Variants in MROH1 observed in about 807,000 individuals in gnomAD.
MROH1 encodes the protein maestro heat like repeat family member 1.
A neutral mutation model predicts 116.5 loss-of-function variants in MROH1; 117 were observed. The observed-to-expected ratio is 1.00, with a 90% CI of 0.86 to 1.17. The LOEUF (loss-of-function observed/expected upper bound fraction) is 1.17, where lower values mean the gene tolerates loss of function less well. Among genes scored for constraint, MROH1 ranks in the 50% most tolerant of loss-of-function variants. The pLI is 0.00. For synonymous variants in MROH1, 921 were observed against 583.9 expected (o/e 1.58, Z -8.32); for missense variants, 1,873 against 1,338.5 (o/e 1.40, Z -6.23).
chr8:144,260,047 G>T lies in MROH1; in HGVS notation c.4181G>T (p.Cys1394Phe), dbSNP rs1844709830. 1 of 725,406 alleles carries T rather than the reference G, an allele frequency of 1.4e-6. No individual in the cohort carries two copies. Among genetic ancestry groups the T allele is most frequent in the Non-Finnish European group, 2.5e-6 (1 of 398,304 alleles). The allele number at this position is 725,406 out of a possible 1,614,324, so 44.9% of individuals were successfully genotyped here. A position where few individuals can be genotyped will look rare whatever the true frequency, so the allele number is the denominator to read the frequency against. The change falls in exon 38 of 44, where the codon TGC (cysteine) becomes TTC (phenylalanine). Residue 1394 changes from cysteine (C) to phenylalanine (F), a missense_variant. Transcript: ENST00000326134. The part of the protein sequence containing the change: ...LRGLANLASG[C>F]PDKVRTHGPQ... ...GGCCTGGCCAACCTGGCCTCCGGCT[G>T]CCCTGACAAGGTGGGGTGGCCACCA...
rs11408719 is a variant in MROH1, at chr8:144,162,827, A to AT, written c.-56-942dup. On this transcript the variant is annotated intron_variant, in intron 2 of 43. Transcript: ENST00000326134. ...AACCTCCGCTTCCCAGGTTCAAGTG[A>AT]TTCTCATGCCTCAGCTCCCTGAGTA... 5.5e-4 allele frequency among the ~76,000 whole-genome samples: 5 copies of AT among 9,170 alleles called. No homozygotes were observed. The Admixed American group carries it at 0.02, about 38-fold the overall frequency. 6.0% of individuals were successfully genotyped at this position (9,170 alleles called of 152,430 possible). A position where few individuals can be genotyped will look rare whatever the true frequency, so the allele number is the denominator to read the frequency against.
chr8:144,218,423 C>G (rs933552477), intron 12 of MROH1, among the ~76,000 whole-genome samples: 1 of 152,024 alleles, frequency 6.6e-6, no homozygotes, highest in Non-Finnish European at 1.5e-5. Context: ...CATCCTGTGT[C>G]TCTCTGGCCA....
intron 14 of MROH1, among the ~76,000 whole-genome samples, chr8:144,234,013 T>A (rs910978801): frequency 3.3e-5 from 5 of 152,170 alleles, no homozygotes; most frequent in African/African-American, 4.8e-5. Context: ...TCTTTTTATT[T>A]ATGCATTTAT....
rs1275956825 is a variant in MROH1, at chr8:144,192,351, C to T, written c.898C>T (p.Arg300Cys). Reference sequence around the variant, plus strand: ...CGAGGCAGCTGTGAGTGTGGGCAGCCGCACACTGGAGACCCAGCTGGATGC... The same window carrying T: ...CGAGGCAGCTGTGAGTGTGGGCAGCTGCACACTGGAGACCCAGCTGGATGC... ...ILEAAVSVGSRTLETQLDALL... is the reference protein window; with the variant it reads ...ILEAAVSVGSCTLETQLDALL... Residue 300 changes from arginine to cysteine, a missense_variant, in exon 10 of 44, where the codon CGC becomes TGC. Physicochemically the swap from Arg to Cys is radical, Grantham distance 180. Transcript: ENST00000326134. 13 of 1,600,382 alleles carry T rather than the reference C, an allele frequency of 8.1e-6. No homozygotes were observed. Among genetic ancestry groups the T allele is most frequent in the Middle Eastern group, 2.1e-4 (1 of 4,668 alleles).
At chr8:144,195,376 C>G (rs1829626730) in intron 10 of MROH1, among the ~76,000 whole-genome samples, 1 of 148,934 alleles carries the variant, frequency 6.7e-6, no homozygotes. Context: ...ATAGTGGGTG[C>G]CTGTAGTCCC....
Position 144,259,973 on chromosome 8 carries a change from G to A in MROH1, c.4107G>A (p.Ala1369=), listed in dbSNP as rs1844691382. The A allele has an allele frequency of 2.6e-5, 19 of 740,534 alleles. No homozygotes were observed. The highest frequency in any genetic ancestry group is 2.6e-4 in the Middle Eastern group (1 of 3,886). The allele number at this position is 740,534 out of a possible 1,614,324, so 45.9% of individuals were successfully genotyped here. Residue 1369 remains alanine (A), a synonymous_variant, in exon 38 of 44, where the codon GCG becomes GCA. Coordinates refer to ENST00000326134, the MANE Select transcript of MROH1 (RefSeq NM_032450.3). ...TGGACTCGCTGCTGGAGAGCCTGGC[G>A]GCTCGCCAGAAGGACACATGCGCCA... ...MLLDSLLESL[A]ARQKDTCASV...
rs1839621583 is a variant in MROH1 at position 144,234,498 on chromosome 8, G to GTTTTTGTTTTTTTTTTTTT, written c.1339-4253_1339-4252insGTTTTTTTTTTTTTTTTTT. Among the ~76,000 whole-genome samples the GTTTTTGTTTTTTTTTTTTT allele has an allele frequency of 1.1e-3, 19 of 18,090 alleles. 2 individuals carry two copies. Among genetic ancestry groups the GTTTTTGTTTTTTTTTTTTT allele is most frequent in the South Asian group, 2.2e-3 (1 of 456 alleles). The allele number at this position is 18,090 out of a possible 152,430, so 11.9% of individuals were successfully genotyped here. A position where few individuals can be genotyped will look rare whatever the true frequency, so the allele number is the denominator to read the frequency against. ...AATGGAATTATTTTCTTTCTTTTTC[G>GTTTTTGTTTTTTTTTTTTT]TTTTTTTTTTTTTTTTTTTTTTTTT... On this transcript the variant is annotated intron_variant, in intron 14 of 43. Transcript: ENST00000326134.
At chr8:144,240,817 G>A in intron 20 of MROH1, 140 bp downstream of exon 20, 1 of 678,478 alleles carries the variant, frequency 1.5e-6, no homozygotes, top group South Asian at 1.6e-5. Flanking sequence ...TGAGGGCCAG[G>A]AGTGCGAGAG....
In MROH1 at chr8:144,254,721, G is replaced by A. The variant is rs886516359; in HGVS notation, c.3429-92G>A. 161 of 666,276 alleles carry A rather than the reference G, an allele frequency of 2.4e-4. No individual in the cohort carries two copies. In the East Asian group the frequency reaches 3.4e-3, roughly 14 times the overall value. The allele number at this position is 666,276 out of a possible 1,614,324, so 41.3% of individuals were successfully genotyped here. A position where few individuals can be genotyped will look rare whatever the true frequency, so the allele number is the denominator to read the frequency against. ...CTGAGCCTGGTGGCTGTGTCTGAGC[G>A]TCGTGGAGCCAGGGTCCACGGCACC... On this transcript the variant is annotated intron_variant, in intron 33 of 43. Transcript: ENST00000326134.
At chr8:144,174,877 C>G (rs1023601503) in intron 4 of MROH1, 3 of 985,330 alleles carry the variant, frequency 3.0e-6, no homozygotes, top group Non-Finnish European at 3.6e-6. Context: ...GCTGAGTCAG[C>G]CTGTCACCCT....
intron 25 of MROH1, 108 bp from the exon 26 acceptor site, chr8:144,243,754 GC>G: frequency 8.1e-6 from 6 of 744,722 alleles, no homozygotes; most frequent in Non-Finnish European, 1.5e-5. Context: ...GACACATGGG[GC>G]TCTGCTCCTC....
intron 3 of MROH1, among the ~76,000 whole-genome samples, chr8:144,166,505 G>A (rs145007047): frequency 6.6e-6 from 1 of 152,202 alleles, no homozygotes; most frequent in African/African-American, 2.4e-5. Context: ...CTGTGTGCGG[G>A]GCCAGGATGG....
chr8:144,190,424 G>GCCTC (rs1828267121), intron 7 of MROH1, among the ~76,000 whole-genome samples: 1 of 152,152 alleles, frequency 6.6e-6, no homozygotes, highest in South Asian at 2.1e-4. Context: ...GGAGGCTAAG[G>GCCTC]CAGGAGAATT....
intron 1 of MROH1, among the ~76,000 whole-genome samples, chr8:144,151,895 C>T (rs1816896479): frequency 6.6e-6 from 1 of 152,224 alleles, no homozygotes. Flanking sequence ...GCTGCACTGC[C>T]GTCGGCTCTG....
chr8:144,177,515 C>T (rs894768635), intron 4 of MROH1, among the ~76,000 whole-genome samples: 1 of 152,228 alleles, frequency 6.6e-6, no homozygotes, highest in African/African-American at 2.4e-5. Context: ...GAGCCGGTAG[C>T]ACTTCTCCTA....
At chr8:144,202,440 A>G in intron 12 of MROH1, among the ~76,000 whole-genome samples, 1 of 133,308 alleles carries the variant, frequency 7.5e-6, no homozygotes, top group Admixed American at 7.6e-5. Flanking sequence ...TTGGGAGGGA[A>G]GCGCCCCCTC....
At chr8:144,224,772 G>T (rs1482730388) in intron 14 of MROH1, among the ~76,000 whole-genome samples, 1 of 152,146 alleles carries the variant, frequency 6.6e-6, no homozygotes, top group African/African-American at 2.4e-5. Context: ...CACTGTAGAG[G>T]GGGTGAGCGG....
At chr8:144,231,705 T>C (rs947726604) in intron 14 of MROH1, among the ~76,000 whole-genome samples, 3 of 152,148 alleles carry the variant, frequency 2.0e-5, no homozygotes, top group Non-Finnish European at 4.4e-5. Flanking sequence ...GTTTGAAATA[T>C]TCCAAGAATG....
At chr8:144,209,028 TG>T (rs1469087865) in intron 12 of MROH1, among the ~76,000 whole-genome samples, 3 of 416 alleles carry the variant, frequency 7.2e-3, no homozygotes, top group Non-Finnish European at 0.024. Context: ...TCGGCCATTT[TG>T]TGTGTGTGTG....
Sources: allele counts gnomAD v4.1 joint callset (sites outside exome capture counted in the v4.1 genomes callset), GRCh38; gene constraint gnomAD v4.1.1; transcripts MANE v1.5; gene names NCBI Gene and HGNC (gene_info 2026-07-23, HGNC 2026-07-21).